The following MACROD2 variants were observed in gnomAD, a reference collection of about 807,000 sequenced individuals.
MACROD2 encodes mono-ADP ribosylhydrolase 2.
In MACROD2, 36 loss-of-function variants were observed where a neutral mutation model predicts 70.4. That is an observed-to-expected ratio of 0.51 (90% CI 0.39 to 0.68). MACROD2 has a LOEUF of 0.68. MACROD2 is among the 30% of genes least tolerant of loss of function. The pLI is 0.00. For synonymous variants in MACROD2, 172 were observed against 178.8 expected, an observed-to-expected ratio of 0.96 and a Z score of 0.30; for missense variants, 496 against 538.4, an observed-to-expected ratio of 0.92 and a Z score of 0.78.
At chr20:14,059,822 G>A (rs1360906766) in intron 2 of MACROD2, among the ~76,000 whole-genome samples, 1 of 152,172 alleles carries the variant, frequency 6.6e-6, no homozygotes, top group Non-Finnish European at 1.5e-5. Context: ...GTGCTATAAA[G>A]AAGATAAAAT....
chr20:14,276,555 C>A (rs1461031629), intron 3 of MACROD2, among the ~76,000 whole-genome samples: 1 of 150,680 alleles, frequency 6.6e-6, no homozygotes. Context: ...TGCAGCACAC[C>A]AGCATGGCAC....
chr20:15,187,842 C>T (rs1205490082), intron 5 of MACROD2, among the ~76,000 whole-genome samples: 3 of 152,038 alleles, frequency 2.0e-5, no homozygotes, highest in Non-Finnish European at 4.4e-5. Context: ...TCTGTGTTCT[C>T]AGAAATTGGT....
chr20:15,761,082 A>G (rs2051429068), intron 8 of MACROD2, among the ~76,000 whole-genome samples: 1 of 152,184 alleles, frequency 6.6e-6, no homozygotes, highest in South Asian at 2.1e-4. Context: ...GTCTCACTCT[A>G]CTGTCCAGGC....
chr20:14,008,584 C>T (rs1296000435), intron 2 of MACROD2, among the ~76,000 whole-genome samples: 1 of 152,198 alleles, frequency 6.6e-6, no homozygotes, highest in Non-Finnish European at 1.5e-5. Flanking sequence ...TATTAAACTA[C>T]TATCAACATT....
chr20:14,523,524 A>G (rs575331531), intron 4 of MACROD2: 1 of 152,276 alleles, frequency 6.6e-6, no homozygotes, highest in Admixed American at 6.5e-5. Context: ...GGACTCAACT[A>G]TCTCTAAACA....
chr20:15,278,772 CAGA>C (rs759814723), intron 6 of MACROD2, among the ~76,000 whole-genome samples: 11 of 152,300 alleles, frequency 7.2e-5, no homozygotes, highest in African/African-American at 1.2e-4. Flanking sequence ...ATTATAATAG[CAGA>C]AGAACACTTT....
intron 5 of MACROD2, among the ~76,000 whole-genome samples, chr20:14,771,250 C>A (rs1172422773): frequency 6.6e-6 from 1 of 152,026 alleles, no homozygotes; most frequent in Non-Finnish European, 1.5e-5. Context: ...CTTCCTGGGT[C>A]TCTAGTTTGT....
chr20:15,014,883 C>T (rs935329487), intron 5 of MACROD2, among the ~76,000 whole-genome samples: 2 of 151,918 alleles, frequency 1.3e-5, no homozygotes, highest in Non-Finnish European at 2.9e-5. Context: ...TGTCCATAAG[C>T]TTTTTTTGAT....
At chr20:15,309,540 C>T (rs1329865498) in intron 6 of MACROD2, among the ~76,000 whole-genome samples, 1 of 152,152 alleles carries the variant, frequency 6.6e-6, no homozygotes, top group Admixed American at 6.5e-5. Context: ...CTTTTAGTGC[C>T]AGCAAGCACT....
intron 6 of MACROD2, among the ~76,000 whole-genome samples, chr20:15,353,070 G>C (rs1251052835): frequency 6.6e-6 from 1 of 152,106 alleles, no homozygotes; most frequent in Non-Finnish European, 1.5e-5. Context: ...GAAGAACAAA[G>C]CTGGAGGCAT....
At chr20:14,055,990 G>C (rs1007526713) in intron 2 of MACROD2, among the ~76,000 whole-genome samples, 14 of 152,166 alleles carry the variant, frequency 9.2e-5, no homozygotes, top group African/African-American at 3.4e-4. Context: ...CTGTGTTACC[G>C]ACATTTCTGT....
At chr20:14,844,127 G>A (rs2073114624) in intron 5 of MACROD2, among the ~76,000 whole-genome samples, 1 of 151,874 alleles carries the variant, frequency 6.6e-6, no homozygotes, top group African/African-American at 2.4e-5. Flanking sequence ...CTTGTTCTAG[G>A]AGCTAAAAAT....
At chr20:14,853,156 A>C (rs1013183805) in intron 5 of MACROD2, among the ~76,000 whole-genome samples, 13 of 92,170 alleles carry the variant, frequency 1.4e-4, no homozygotes, top group Admixed American at 2.1e-4. Context: ...AGGTGTGAAC[A>C]GTGTGTGTGT....
At chr20:16,025,511 G>A (rs1039783238) in intron 15 of MACROD2, among the ~76,000 whole-genome samples, 1 of 152,230 alleles carries the variant, frequency 6.6e-6, no homozygotes, top group Non-Finnish European at 1.5e-5. Context: ...GGCCAGTTAA[G>A]ATGCTTAGCA....
intron 2 of MACROD2, among the ~76,000 whole-genome samples, chr20:14,073,605 T>C (rs1196340312): frequency 6.6e-6 from 1 of 152,204 alleles, no homozygotes; most frequent in Non-Finnish European, 1.5e-5. Context: ...TTACAGAGTT[T>C]TAAAATAGCT....
chr20:15,272,127 G>A (rs1460907752), intron 6 of MACROD2, among the ~76,000 whole-genome samples: 1 of 152,182 alleles, frequency 6.6e-6, no homozygotes. Context: ...CTGCTAAAAT[G>A]TCTAATTAGT....
At chr20:15,931,228 A>G (rs188337782) in intron 10 of MACROD2, among the ~76,000 whole-genome samples, 48 of 152,312 alleles carry the variant, frequency 3.2e-4, no homozygotes, top group South Asian at 1.2e-3. Context: ...AGCAAAGGCC[A>G]ATGCTGTTTC....
At chr20:14,838,755 A>G (rs1286789033) in intron 5 of MACROD2, among the ~76,000 whole-genome samples, 2 of 152,102 alleles carry the variant, frequency 1.3e-5, no homozygotes, top group African/African-American at 4.8e-5. Context: ...TTTGTAAGAT[A>G]AAAGAGAGAA....
intron 5 of MACROD2, chr20:14,933,758 G>A (rs1397722927): frequency 6.6e-6 from 1 of 151,932 alleles, no homozygotes; most frequent in East Asian, 1.9e-4. Flanking sequence ...GCAGAAAATA[G>A]CCATTTAAAA....
Sources: gnomAD v4.1 joint callset for allele counts (sites outside exome capture counted in the v4.1 genomes callset) on GRCh38, gnomAD v4.1.1 for gene constraint, MANE v1.5 for transcripts, NCBI Gene and HGNC (gene_info 2026-07-23, HGNC 2026-07-21) for gene names.